Variants in ARHGAP23 observed in about 807,000 individuals in gnomAD.
ARHGAP23 encodes the protein Rho GTPase activating protein 23, also known as rho GTPase-activating protein 23.
In ARHGAP23, 34 loss-of-function variants were observed where a neutral mutation model predicts 136.3. The ratio of observed to expected loss-of-function variants is 0.25; its 90% CI spans 0.19 to 0.33. ARHGAP23 has a LOEUF of 0.33. Ranked by LOEUF, ARHGAP23 falls within the 10% of genes least tolerant of loss-of-function variation. The probability of loss-of-function intolerance (pLI) is 1.00; values close to 1 mark genes in which losing one functional copy is unlikely to be tolerated. For synonymous variants in ARHGAP23, 832 were observed against 920.5 expected (o/e 0.90, Z 1.74); for missense variants, 1,808 against 2,139.0 (o/e 0.85, Z 3.05).
At chr17:38,473,943 C>T (rs376119231) in intron 11 of ARHGAP23, among the ~76,000 whole-genome samples, 11 of 152,020 alleles carry the variant, frequency 7.2e-5, no homozygotes, top group Admixed American at 3.9e-4. Context: ...ATTTTTGAGA[C>T]GGAGTTTCAC....
intron 1 of ARHGAP23, among the ~76,000 whole-genome samples, chr17:38,429,857 C>A (rs538497049): frequency 1.6e-4 from 25 of 152,278 alleles, no homozygotes; most frequent in African/African-American, 5.5e-4. Context: ...GGCTTTTGAT[C>A]CCATGTGGTT....
At chr17:38,505,824 C>G (rs144891208) in intron 23 of ARHGAP23, among the ~76,000 whole-genome samples, 8 of 152,196 alleles carry the variant, frequency 5.3e-5, no homozygotes, top group Non-Finnish European at 1.0e-4. Context: ...GCTACTCAGG[C>G]GGCTGAGGCA....
chr17:38,438,487 A>G (rs1160010608), intron 1 of ARHGAP23, among the ~76,000 whole-genome samples: 1 of 152,172 alleles, frequency 6.6e-6, no homozygotes, highest in Non-Finnish European at 1.5e-5. Flanking sequence ...GAATAGAGGG[A>G]GGAGGTCAGG....
Position 38,482,083 on chromosome 17 carries a change from G to C in ARHGAP23, c.2691G>C (p.Lys897Asn). 1 of 1,550,048 alleles carries C rather than the reference G, an allele frequency of 6.5e-7. No homozygotes were observed. The highest frequency in any genetic ancestry group is 8.7e-7 in the Non-Finnish European group (1 of 1,146,414). ...WGINIIKKNK[K>N]AAPRAFGVRL... ...TCAACATCATCAAGAAAAATAAGAAGGCCGCTCCGAGGGCGTTTGGGGTCA... is the reference window on the plus strand; with the variant it reads ...TCAACATCATCAAGAAAAATAAGAACGCCGCTCCGAGGGCGTTTGGGGTCA... Residue 897 changes from lysine to asparagine, a missense_variant, in exon 15 of 24, where the codon AAG becomes AAC. Lys to Asn is a moderately conservative substitution (Grantham distance 94). Around this residue, in one of 7 missense-constraint regions of ARHGAP23, gnomAD observed 73 missense variants for 82.5 expected, o/e 0.88. Coordinates refer to ENST00000622683, the MANE Select transcript of ARHGAP23 (RefSeq NM_001199417.2).
intron 1 of ARHGAP23, among the ~76,000 whole-genome samples, chr17:38,448,650 T>G (rs938717079): frequency 6.7e-6 from 1 of 148,196 alleles, no homozygotes; most frequent in Non-Finnish European, 1.5e-5. Flanking sequence ...AGTTTTTTTT[T>G]TTTTTTTTTT....
At chr17:38,433,016 G>C (rs1380214849) in intron 1 of ARHGAP23, among the ~76,000 whole-genome samples, 1 of 152,186 alleles carries the variant, frequency 6.6e-6, no homozygotes, top group Non-Finnish European at 1.5e-5. Flanking sequence ...GCAGTGGTGT[G>C]AGCTTGGTAC....
chr17:38,441,432 C>G (rs72834054), intron 1 of ARHGAP23, among the ~76,000 whole-genome samples: 12,021 of 152,234 alleles, frequency 0.079, 645 homozygotes, highest in Non-Finnish European at 0.12. Flanking sequence ...CCTTCCCCTC[C>G]TCCCTTAACC....
At chr17:38,482,932 G>A (rs548885431) in intron 16 of ARHGAP23, among the ~76,000 whole-genome samples, 4 of 152,318 alleles carry the variant, frequency 2.6e-5, no homozygotes, top group African/African-American at 9.6e-5. Flanking sequence ...GAGGCTCACA[G>A]ATGGCAGTTT....
intron 23 of ARHGAP23, among the ~76,000 whole-genome samples, chr17:38,508,318 G>A (rs2040679288): frequency 6.6e-6 from 1 of 152,188 alleles, no homozygotes. Context: ...GGGACATTAA[G>A]GGCTGGCAGC....
intron 1 of ARHGAP23, among the ~76,000 whole-genome samples, chr17:38,419,913 C>A (rs2038502710): frequency 6.6e-6 from 1 of 152,150 alleles, no homozygotes; most frequent in Non-Finnish European, 1.5e-5. Flanking sequence ...GCCCGGCTCC[C>A]CTCCTTTCCC....
At chr17:38,434,973 T>G (rs1303439443) in intron 1 of ARHGAP23, among the ~76,000 whole-genome samples, 1 of 152,112 alleles carries the variant, frequency 6.6e-6, no homozygotes, top group Non-Finnish European at 1.5e-5. Flanking sequence ...ATGCTCAAGG[T>G]GGAGGAACTC....
intron 2 of ARHGAP23, among the ~76,000 whole-genome samples, chr17:38,460,065 A>C (rs1236191715): frequency 6.6e-6 from 1 of 152,184 alleles, no homozygotes; most frequent in Non-Finnish European, 1.5e-5. Context: ...ATGACGCTGA[A>C]GGTCTGATCC....
In ARHGAP23 at chr17:38,482,565, G is replaced by A. The variant is rs540825504; in HGVS notation, c.2794G>A (p.Ala932Thr). 2 of 1,549,898 alleles carry A rather than the reference G, an allele frequency of 1.3e-6. No individual in the cohort carries two copies. Among genetic ancestry groups the A allele is most frequent in the South Asian group, 1.2e-5 (1 of 83,978 alleles). The change falls in exon 16 of 24, where the codon GCA (alanine) becomes ACA (threonine). Residue 932 changes from alanine (A) to threonine (T), a missense_variant. Physicochemically the swap from Ala to Thr is moderately conservative, Grantham distance 58. Transcript: ENST00000622683. ...GGCTGCATGCTGTCGCATTGTGGAG[G>A]CACGAGGGCTGGAGTCCACAGGCAT... ...IVAACCRIVE[A>T]RGLESTGIYR...
intron 1 of ARHGAP23, among the ~76,000 whole-genome samples, chr17:38,434,115 G>A (rs1567772686): frequency 6.6e-6 from 1 of 152,140 alleles, no homozygotes; most frequent in Non-Finnish European, 1.5e-5. Flanking sequence ...GTGAGCCACC[G>A]CGCCTGGCTG....
chr17:38,469,092 G>A, intron 7 of ARHGAP23, 52 bp from the exon 8 acceptor site: 3 of 1,501,846 alleles, frequency 2.0e-6, no homozygotes, highest in Non-Finnish European at 8.9e-7. Flanking sequence ...GGTGGAGGCA[G>A]GCAGGCTCCG....
intron 17 of ARHGAP23, among the ~76,000 whole-genome samples, chr17:38,488,936 T>TA (rs1555595037): frequency 6.6e-6 from 1 of 151,824 alleles, no homozygotes; most frequent in Non-Finnish European, 1.5e-5. Flanking sequence ...AGTGCAGTGT[T>TA]ACGATCTCGG....
Position 38,477,993 on chromosome 17 carries a change from C to G in ARHGAP23, c.2436+97C>G, listed in dbSNP as rs1339491557. On this transcript the variant is annotated intron_variant, in intron 12 of 23. Coordinates refer to ENST00000622683, the MANE Select transcript of ARHGAP23 (RefSeq NM_001199417.2). This position sits in a 1 kb window ranked among gnomAD's most constrained non-coding sequence, Gnocchi z 6.6. ...TGCCCGCTCTGAGCCTCACTTCCCT[C>G]TGCTAGAAAGGGGGGCTGACAGGAG... The G allele has an allele frequency of 2.0e-5, 26 of 1,302,714 alleles. No homozygotes were observed. The highest frequency in any genetic ancestry group is 2.5e-5 in the Non-Finnish European group (23 of 930,502). 80.7% of individuals were successfully genotyped at this position (1,302,714 alleles called of 1,614,324 possible).
intron 14 of ARHGAP23, 60 bp downstream of exon 14, chr17:38,479,943 G>T: frequency 6.5e-7 from 1 of 1,532,368 alleles, no homozygotes; most frequent in South Asian, 1.2e-5. Context: ...GGGGAGGGGA[G>T]GGCACGCGTG....
intron 14 of ARHGAP23, among the ~76,000 whole-genome samples, chr17:38,481,010 G>A (rs2040025868): frequency 6.6e-6 from 1 of 151,928 alleles, no homozygotes; most frequent in Non-Finnish European, 1.5e-5. Context: ...TTTAGAGACA[G>A]AGTCTCATTC....
Sources: allele counts gnomAD v4.1 joint callset (sites outside exome capture counted in the v4.1 genomes callset), GRCh38; gene constraint gnomAD v4.1.1; regional missense constraint gnomAD v4.1.1; non-coding constraint Gnocchi (gnomAD v3.1); transcripts MANE v1.5; gene names NCBI Gene and HGNC (gene_info 2026-07-23, HGNC 2026-07-21).